ROBO1: variants seen among roughly 807,000 people sequenced by gnomAD.
The protein encoded by ROBO1 is roundabout guidance receptor 1.
In ROBO1, 149 loss-of-function variants were observed where a neutral mutation model predicts 195.9. That is an observed-to-expected ratio of 0.76 (90% CI 0.67 to 0.87). The LOEUF is 0.87. Ranked by LOEUF, ROBO1 falls within the 40% of genes least tolerant of loss-of-function variation. ROBO1 has a pLI of 0.00. For missense variants in ROBO1, 1,933 were observed against 2,068.3 expected, an observed-to-expected ratio of 0.93 and a Z score of 1.27; for synonymous variants, 816 against 733.2, an observed-to-expected ratio of 1.11 and a Z score of -1.82.
chr3:78,666,482 G>A (rs1707744238), intron 14 of ROBO1, among the ~76,000 whole-genome samples: 1 of 152,164 alleles, frequency 6.6e-6, no homozygotes, highest in African/African-American at 2.4e-5. Flanking sequence ...CTACTGGCTG[G>A]AGACCACTGT....
chr3:78,753,054 A>C (rs2082837328), intron 4 of ROBO1, among the ~76,000 whole-genome samples: 1 of 152,184 alleles, frequency 6.6e-6, no homozygotes, highest in African/African-American at 2.4e-5. Context: ...ACATTCTGAA[A>C]ATCTGATATA....
chr3:79,196,541 G>A (rs2081640953), intron 2 of ROBO1, among the ~76,000 whole-genome samples: 1 of 151,758 alleles, frequency 6.6e-6, no homozygotes, highest in South Asian at 2.1e-4. Context: ...AGACTTGCTA[G>A]TGAGTTAACT....
At chr3:79,316,111 C>T (rs928648554) in intron 2 of ROBO1, among the ~76,000 whole-genome samples, 1 of 152,084 alleles carries the variant, frequency 6.6e-6, no homozygotes, top group Non-Finnish European at 1.5e-5. Flanking sequence ...CTAAGTATTT[C>T]AAGTAAGATT....
At chr3:79,468,893 A>C (rs1250850046) in intron 2 of ROBO1, among the ~76,000 whole-genome samples, 1 of 152,174 alleles carries the variant, frequency 6.6e-6, no homozygotes, top group Non-Finnish European at 1.5e-5. Flanking sequence ...TAAAAGGTAA[A>C]TATAAGAGTA....
At chr3:78,910,890 A>G (rs2038204742) in intron 4 of ROBO1, among the ~76,000 whole-genome samples, 1 of 151,990 alleles carries the variant, frequency 6.6e-6, no homozygotes, top group Non-Finnish European at 1.5e-5. Context: ...ATACTTGGGA[A>G]CTTGTTAGAA....
chr3:79,160,025 T>C (rs893419511), intron 2 of ROBO1, among the ~76,000 whole-genome samples: 7 of 152,090 alleles, frequency 4.6e-5, no homozygotes, highest in African/African-American at 1.4e-4. Flanking sequence ...GATAGAGATG[T>C]CCTTCCTGAG....
chr3:79,329,917 G>A (rs2034363525), intron 2 of ROBO1, among the ~76,000 whole-genome samples: 2 of 151,824 alleles, frequency 1.3e-5, no homozygotes, highest in Admixed American at 1.3e-4. Flanking sequence ...TTCCCCTGTT[G>A]GATTCAGATC....
intron 8 of ROBO1, among the ~76,000 whole-genome samples, chr3:78,703,243 C>A (rs2081463424): frequency 6.6e-6 from 1 of 152,072 alleles, no homozygotes; most frequent in Admixed American, 6.6e-5. Flanking sequence ...GGCCAAAAAG[C>A]TACTGGGTCT....
intron 3 of ROBO1, among the ~76,000 whole-genome samples, chr3:79,036,641 C>G (rs115881618): frequency 6.6e-6 from 1 of 151,864 alleles, no homozygotes; most frequent in Non-Finnish European, 1.5e-5. Context: ...TATCAGTTTC[C>G]TTTATTCTTC....
chr3:79,742,518 C>T (rs1313351445), intron 1 of ROBO1, among the ~76,000 whole-genome samples: 2 of 152,148 alleles, frequency 1.3e-5, no homozygotes, highest in Non-Finnish European at 2.9e-5. Context: ...CTCCCCACTG[C>T]CTCCCAGCTG....
intron 2 of ROBO1, among the ~76,000 whole-genome samples, chr3:79,421,525 C>T (rs1460543535): frequency 6.6e-6 from 1 of 152,056 alleles, no homozygotes; most frequent in East Asian, 1.9e-4. Context: ...GCTGACAGCA[C>T]CAGGTGCCAG....
In ROBO1 at chr3:78,635,803, T is replaced by C; in HGVS notation, c.3343A>G (p.Asn1115Asp). Reference protein sequence around the residue: ...QKQEVAPVQYNIVEQNKLNKD... With the variant: ...QKQEVAPVQYDIVEQNKLNKD... Reference sequence around the variant, plus strand: ...TTCAGCTTGTTTTGCTCCACGATGTTGTACTGAACTGGTGCCACTTCTTGT... The same window carrying C: ...TTCAGCTTGTTTTGCTCCACGATGTCGTACTGAACTGGTGCCACTTCTTGT... Residue 1115 changes from asparagine (N) to aspartate (D), a missense_variant, in exon 23 of 31, where the codon AAC becomes GAC. Asn to Asp is a conservative substitution (Grantham distance 23). This residue lies in a region of ROBO1 where 1,737 missense variants were observed against 1,882.5 expected (regional missense o/e 0.92). Transcript: ENST00000464233. The C allele has an allele frequency of 6.2e-7, 1 of 1,613,820 alleles. No homozygotes were observed. The highest frequency in any genetic ancestry group is 8.5e-7 in the Non-Finnish European group (1 of 1,179,788).
At chr3:79,577,939 C>A (rs1164526032) in intron 2 of ROBO1, among the ~76,000 whole-genome samples, 2 of 151,318 alleles carry the variant, frequency 1.3e-5, no homozygotes, top group Non-Finnish European at 1.5e-5. Context: ...AACAAAAAAA[C>A]CCAAAAAACA....
At chr3:79,590,765 A>G (rs1249676564) in intron 1 of ROBO1, among the ~76,000 whole-genome samples, 4 of 151,594 alleles carry the variant, frequency 2.6e-5, no homozygotes, top group Admixed American at 6.6e-5. Flanking sequence ...TGGTATGTAT[A>G]TACATAAATT....
intron 3 of ROBO1, among the ~76,000 whole-genome samples, chr3:78,988,776 T>G (rs1304913030): frequency 6.6e-6 from 1 of 152,172 alleles, no homozygotes; most frequent in Non-Finnish European, 1.5e-5. Flanking sequence ...AGCAATTATT[T>G]TGCAAACCAA....
intron 5 of ROBO1, among the ~76,000 whole-genome samples, chr3:78,719,716 C>T (rs1264577009): frequency 6.6e-6 from 1 of 152,162 alleles, no homozygotes; most frequent in Admixed American, 6.5e-5. Context: ...GGGTTTACTA[C>T]ATTTTACCTA....
intron 5 of ROBO1, among the ~76,000 whole-genome samples, chr3:78,744,877 T>A: frequency 6.6e-6 from 1 of 152,360 alleles, no homozygotes; most frequent in Middle Eastern, 3.4e-3. Context: ...ACTCTTTCTC[T>A]ATTTTTATAG....
chr3:79,459,622 T>C (rs1351195086), intron 2 of ROBO1, among the ~76,000 whole-genome samples: 2 of 152,088 alleles, frequency 1.3e-5, no homozygotes, highest in Admixed American at 1.3e-4. Context: ...AAAAAGAATA[T>C]ATTGAATAGA....
At chr3:79,731,011 T>C (rs936687385) in intron 1 of ROBO1, among the ~76,000 whole-genome samples, 1 of 152,088 alleles carries the variant, frequency 6.6e-6, no homozygotes, top group Non-Finnish European at 1.5e-5. Flanking sequence ...TCTCCTGACC[T>C]CGTGATCCGT....
Sources: gnomAD v4.1 joint callset for allele counts (sites outside exome capture counted in the v4.1 genomes callset) on GRCh38, gnomAD v4.1.1 for gene constraint, gnomAD v4.1.1 regional missense constraint, MANE v1.5 for transcripts, NCBI Gene and HGNC (gene_info 2026-07-23, HGNC 2026-07-21) for gene names.